C1orf21: variants seen among roughly 807,000 people sequenced by gnomAD.
The protein encoded by C1orf21 is uncharacterized protein C1orf21.
A neutral mutation model predicts 18.7 loss-of-function variants in C1orf21; 3 were observed. The observed-to-expected ratio is 0.16, with a 90% CI of 0.07 to 0.42. The LOEUF (loss-of-function observed/expected upper bound fraction) is 0.42. Ranked by LOEUF, C1orf21 falls within the 10% of genes least tolerant of loss-of-function variation. C1orf21 has a pLI of 0.99. For synonymous variants in C1orf21, 41 were observed against 46.4 expected, an observed-to-expected ratio of 0.88 and a Z score of 0.47; for missense variants, 104 against 143.6, an observed-to-expected ratio of 0.72 and a Z score of 1.41.
chr1:184,433,477 G>A (rs1480685651), intron 1 of C1orf21, among the ~76,000 whole-genome samples: 2 of 152,100 alleles, frequency 1.3e-5, no homozygotes, highest in African/African-American at 2.4e-5. Context: ...GCCTACAGAA[G>A]GAATGATTAT....
intron 2 of C1orf21, among the ~76,000 whole-genome samples, chr1:184,487,537 A>AGGAGG: frequency 6.6e-6 from 1 of 152,206 alleles, no homozygotes; most frequent in Non-Finnish European, 1.5e-5. Flanking sequence ...CCTCCTTGGG[A>AGGAGG]ATAACACATT....
intron 5 of C1orf21, among the ~76,000 whole-genome samples, chr1:184,616,098 T>C (rs761876023): frequency 2.1e-4 from 32 of 152,242 alleles, no homozygotes; most frequent in Non-Finnish European, 4.4e-4. Context: ...GGTAATCGCC[T>C]CTGGTAATCA....
Position 184,398,284 on chromosome 1 carries a change from T to C in C1orf21, c.-125+10916T>C, listed in dbSNP as rs577900690. Among the ~76,000 whole-genome samples, 4 of 152,354 alleles carry C rather than the reference T, an allele frequency of 2.6e-5. No individual in the cohort carries two copies. The South Asian group carries it at 8.3e-4, about 32-fold the overall frequency. ...AGCAACTCTATGAGGAACCCACTAC[T>C]GTTACCTCTTCTTCACAGACAGAGA... On this transcript the variant is annotated intron_variant, in intron 1 of 5. Transcript: ENST00000235307.
rs529832829 is a variant in C1orf21, at chr1:184,387,236, G to C, written c.-257G>C. 2.0e-5 allele frequency: 3 copies of C among 152,690 alleles called. No individual in the cohort carries two copies. Among genetic ancestry groups the C allele is most frequent in the Non-Finnish European group, 4.4e-5 (3 of 68,416 alleles). 9.5% of individuals were successfully genotyped at this position (152,690 alleles called of 1,614,324 possible). A position where few individuals can be genotyped will look rare whatever the true frequency, so the allele number is the denominator to read the frequency against. On this transcript the variant is annotated 5_prime_UTR_variant, in exon 1 of 6. Coordinates refer to ENST00000235307, the MANE Select transcript of C1orf21 (RefSeq NM_030806.4). The surrounding 1 kb of genome is among the most constrained non-coding windows in gnomAD (Gnocchi z 5.6). The stretch of plus-strand genomic sequence containing the variant: ...TTGGGTTCTTACTCCAAGCGGCGGG[G>C]AGGAGGGGGAGCCCCGGACACACTG...
At chr1:184,424,327 C>A (rs1299441417) in intron 1 of C1orf21, among the ~76,000 whole-genome samples, 1 of 152,160 alleles carries the variant, frequency 6.6e-6, no homozygotes, top group Admixed American at 6.5e-5. Context: ...CAGCCCTCAT[C>A]ACTTTACAGA....
Position 184,392,350 on chromosome 1 carries a change from C to T in C1orf21, c.-125+4982C>T, listed in dbSNP as rs546514951. Among the ~76,000 whole-genome samples, 4 of 152,248 alleles carry T rather than the reference C, an allele frequency of 2.6e-5. No homozygotes were observed. The South Asian group carries it at 6.2e-4, about 24-fold the overall frequency. ...TTGATTTATTAGATTCACTGCTGCTCCCTCTAAGATAACCTGAATAAAGCA... is the reference window on the plus strand; with the variant it reads ...TTGATTTATTAGATTCACTGCTGCTTCCTCTAAGATAACCTGAATAAAGCA... On this transcript the variant is annotated intron_variant, in intron 1 of 5. Coordinates refer to ENST00000235307, the MANE Select transcript of C1orf21 (RefSeq NM_030806.4).
chr1:184,591,689 C>A (rs1659439009), intron 4 of C1orf21, among the ~76,000 whole-genome samples: 3 of 152,018 alleles, frequency 2.0e-5, no homozygotes, highest in African/African-American at 7.3e-5. Context: ...TCCTGTAGTC[C>A]CAGCTACTCG....
At chr1:184,597,110 C>T (rs1659526255) in intron 4 of C1orf21, among the ~76,000 whole-genome samples, 1 of 152,144 alleles carries the variant, frequency 6.6e-6, no homozygotes, top group African/African-American at 2.4e-5. Flanking sequence ...CTCATCATCC[C>T]AGATTCTGTT....
At chr1:184,582,411 C>T (rs1280203429) in intron 3 of C1orf21, among the ~76,000 whole-genome samples, 1 of 152,258 alleles carries the variant, frequency 6.6e-6, no homozygotes, top group Admixed American at 6.5e-5. Flanking sequence ...CACACACATG[C>T]TCACAGTCTG....
rs1571402728 is a variant in C1orf21 at position 184,534,914 on chromosome 1, A to C, written c.189+27232A>C. ...AGAGAGTTCAGAAGGGTGGGGTGAG[A>C]AAGTCCCTGAACTGGAGTATAGTCC... On this transcript the variant is annotated intron_variant, in intron 3 of 5. Coordinates refer to ENST00000235307, the MANE Select transcript of C1orf21 (RefSeq NM_030806.4). 3.9e-5 allele frequency among the ~76,000 whole-genome samples: 6 copies of C among 152,168 alleles called. No homozygotes were observed. The South Asian group carries it at 1.2e-3, about 32-fold the overall frequency.
chr1:184,484,212 G>A (rs1299148333), intron 2 of C1orf21, among the ~76,000 whole-genome samples: 2 of 152,048 alleles, frequency 1.3e-5, no homozygotes, highest in South Asian at 2.1e-4. Context: ...TACAGGCGCA[G>A]CCTTGTTTTG....
intron 3 of C1orf21, among the ~76,000 whole-genome samples, chr1:184,512,419 C>A (rs930662368): frequency 6.6e-6 from 1 of 152,162 alleles, no homozygotes; most frequent in Non-Finnish European, 1.5e-5. Context: ...GTCTCTTGAG[C>A]CTCTTGACAT....
At chr1:184,417,769 C>T (rs1035123228) in intron 1 of C1orf21, among the ~76,000 whole-genome samples, 6 of 152,240 alleles carry the variant, frequency 3.9e-5, no homozygotes, top group African/African-American at 1.4e-4. Context: ...AGCTTGCCAC[C>T]TCCCATCTTG....
At chr1:184,390,507 A>T (rs191598944) in intron 1 of C1orf21, among the ~76,000 whole-genome samples, 11 of 152,346 alleles carry the variant, frequency 7.2e-5, no homozygotes, top group African/African-American at 2.6e-4. Context: ...ACGTAAATCT[A>T]CTTATACATC....
chr1:184,425,045 C>A (rs1315640875), intron 1 of C1orf21, among the ~76,000 whole-genome samples: 1 of 152,122 alleles, frequency 6.6e-6, no homozygotes, highest in Non-Finnish European at 1.5e-5. Context: ...AATGTCACAC[C>A]ATTGGCTTTG....
intron 1 of C1orf21, among the ~76,000 whole-genome samples, chr1:184,473,849 T>C (rs1657530945): frequency 6.6e-6 from 1 of 152,172 alleles, no homozygotes; most frequent in African/African-American, 2.4e-5. Flanking sequence ...ATTATCTCCT[T>C]CTCTGATCAT....
At chr1:184,518,370 G>C (rs769876734) in intron 3 of C1orf21, among the ~76,000 whole-genome samples, 5 of 152,118 alleles carry the variant, frequency 3.3e-5, no homozygotes, top group Non-Finnish European at 7.4e-5. Context: ...CTAGTTAAAA[G>C]GACACCTGGC....
At chr1:184,398,356 T>C (rs1656095189) in intron 1 of C1orf21, among the ~76,000 whole-genome samples, 1 of 152,204 alleles carries the variant, frequency 6.6e-6, no homozygotes, top group South Asian at 2.1e-4. Flanking sequence ...GTCTTGTAGC[T>C]AATAGTGGTG....
intron 1 of C1orf21, among the ~76,000 whole-genome samples, chr1:184,457,472 TA>T (rs68137276): frequency 0.093 from 13,881 of 149,432 alleles, 838 homozygotes; most frequent in African/African-American, 0.18. Context: ...TATATATATA[TA>T]TTTTTACATA....
Sources: allele counts gnomAD v4.1 joint callset (sites outside exome capture counted in the v4.1 genomes callset), GRCh38; gene constraint gnomAD v4.1.1; non-coding constraint Gnocchi (gnomAD v3.1); transcripts MANE v1.5; gene names NCBI Gene and HGNC (gene_info 2026-07-23, HGNC 2026-07-21).